CPAMD8: variants seen among roughly 807,000 people sequenced by gnomAD.
The protein encoded by CPAMD8 is C3 and PZP-like alpha-2-macroglobulin domain-containing protein 8.
A neutral mutation model predicts 224.7 loss-of-function variants in CPAMD8; 146 were observed. The ratio of observed to expected loss-of-function variants is 0.65; its 90% confidence interval spans 0.57 to 0.75. The LOEUF (loss-of-function observed/expected upper bound fraction) is 0.75. Among genes scored for constraint, CPAMD8 ranks in the 30% least tolerant of loss-of-function variants. CPAMD8 has a pLI of 0.00. For missense variants in CPAMD8, 2,301 were observed against 2,537.5 expected, an observed-to-expected ratio of 0.91 and a Z score of 2.00; for synonymous variants, 966 against 1,044.6, an observed-to-expected ratio of 0.92 and a Z score of 1.45.
rs1445408438 is a variant in CPAMD8 at position 16,893,381 on chromosome 19, T to A, written c.5427-42A>T. ...ATCTTACAACATCCTCTACAGCAAG[T>A]GGGCACGGGGCCTCGGGCTGAGGAA... is the stretch of plus-strand genomic sequence containing the variant. On this transcript the variant is annotated intron_variant, in intron 41 of 41. Transcript: ENST00000443236. 5.2e-6 allele frequency: 7 copies of A among 1,358,394 alleles called. No homozygotes were observed. In the Admixed American group the frequency reaches 1.6e-4, roughly 30 times the overall value. 84.1% of individuals were successfully genotyped at this position (1,358,394 alleles called of 1,614,324 possible).
At chr19:17,009,261 C>A in intron 6 of CPAMD8, 42 bp downstream of exon 6, 1 of 1,613,816 alleles carries the variant, frequency 6.2e-7, no homozygotes, top group Non-Finnish European at 8.5e-7. Flanking sequence ...GTGGGCTACC[C>A]GGGCCCCAAG....
intron 1 of CPAMD8, among the ~76,000 whole-genome samples, chr19:17,024,393 C>T (rs552411136): frequency 6.6e-6 from 1 of 152,206 alleles, no homozygotes; most frequent in Admixed American, 6.5e-5. Context: ...CAGCACTGAC[C>T]AGGACATGCA....
At chr19:16,980,218 C>T (rs2055459054) in intron 14 of CPAMD8, among the ~76,000 whole-genome samples, 1 of 152,164 alleles carries the variant, frequency 6.6e-6, no homozygotes, top group Non-Finnish European at 1.5e-5. Context: ...GGCAACAGCA[C>T]AATGTGGGCC....
chr19:17,011,816 T>C, intron 3 of CPAMD8, 59 bp from the exon 4 acceptor site: 3 of 1,567,250 alleles, frequency 1.9e-6, no homozygotes, highest in Non-Finnish European at 2.6e-6. Context: ...GCCAAGATAC[T>C]GGGGAAGGAG....
intron 17 of CPAMD8, among the ~76,000 whole-genome samples, chr19:16,974,122 T>C (rs8111724): frequency 0.33 from 49,793 of 151,146 alleles, 10,358 homozygotes; most frequent in African/African-American, 0.59. Context: ...GCCACCGCGC[T>C]CAGCCAGCAT....
intron 23 of CPAMD8, among the ~76,000 whole-genome samples, chr19:16,937,738 C>T (rs549116784): frequency 2.7e-4 from 41 of 151,552 alleles, no homozygotes; most frequent in East Asian, 9.7e-4. Context: ...CTGCAACCTC[C>T]GCCTCCCCGG....
chr19:16,918,747 C>CT (rs3029467), intron 27 of CPAMD8, among the ~76,000 whole-genome samples: 8,212 of 127,338 alleles, frequency 0.064, 324 homozygotes, highest in Non-Finnish European at 0.092. Flanking sequence ...CACACCCAGA[C>CT]TTTTTTTTTT....
intron 19 of CPAMD8, among the ~76,000 whole-genome samples, chr19:16,954,827 C>T (rs986523108): frequency 7.3e-5 from 11 of 150,824 alleles, no homozygotes; most frequent in African/African-American, 2.7e-4. Context: ...TACTAAAATA[C>T]AAAAAATTAG....
intron 15 of CPAMD8, 86 bp downstream of exon 15, chr19:16,977,282 A>C (rs1369729659): frequency 6.3e-6 from 5 of 790,046 alleles, no homozygotes; most frequent in Non-Finnish European, 1.1e-5. Context: ...CATGAGTCTC[A>C]GGTGTGCACA....
intron 13 of CPAMD8, among the ~76,000 whole-genome samples, chr19:16,983,503 T>A (rs1320098954): frequency 6.6e-6 from 1 of 152,032 alleles, no homozygotes; most frequent in Non-Finnish European, 1.5e-5. Context: ...AACGGACTAA[T>A]ATACTGAGTG....
chr19:17,001,627 CAA>C (rs969717079), intron 9 of CPAMD8, among the ~76,000 whole-genome samples: 2 of 152,032 alleles, frequency 1.3e-5, no homozygotes, highest in Non-Finnish European at 2.9e-5. Context: ...AGCATGGAAA[CAA>C]AGACAGGCAG....
At chr19:16,951,480 A>G (rs1349852982) in intron 20 of CPAMD8, among the ~76,000 whole-genome samples, 2 of 152,188 alleles carry the variant, frequency 1.3e-5, no homozygotes, top group Non-Finnish European at 2.9e-5. Context: ...TTCAGGTAAG[A>G]GATCATCTAG....
intron 3 of CPAMD8, among the ~76,000 whole-genome samples, chr19:17,015,078 C>A (rs1467821851): frequency 4.6e-5 from 7 of 152,118 alleles, no homozygotes; most frequent in Admixed American, 4.6e-4. Context: ...CCCGTCTCTA[C>A]TGAAAATACA....
chr19:16,973,418 G>A (rs1404902425), intron 17 of CPAMD8, among the ~76,000 whole-genome samples: 4 of 152,034 alleles, frequency 2.6e-5, no homozygotes, highest in South Asian at 2.1e-4. Context: ...GTGCAGTGGC[G>A]TGATCACTGT....
rs1178695539 is a variant in CPAMD8 at position 16,914,759 on chromosome 19, C to A, written c.3684G>T (p.Val1228=). ...TGGCGGCAGCCAGCTCCCGGGGGTCCACGAAGATAAAGCTGCGAGCCTGTG... is the reference window on the plus strand; with the variant it reads ...TGGCGGCAGCCAGCTCCCGGGGGTCAACGAAGATAAAGCTGCGAGCCTGTG... The part of the protein sequence containing the change: ...SFAQARSFIF[V]DPRELAAAKS... The change falls in exon 28 of 42, where the codon GTG becomes GTT. Residue 1228 remains valine (V), a synonymous_variant. Coordinates refer to ENST00000443236, the MANE Select transcript of CPAMD8 (RefSeq NM_015692.5). 4 of 1,614,062 alleles carry A rather than the reference C, an allele frequency of 2.5e-6. No homozygotes were observed. The highest frequency in any genetic ancestry group is 3.4e-6 in the Non-Finnish European group (4 of 1,179,988).
chr19:17,026,119 GC>G (rs2057074528), intron 1 of CPAMD8, among the ~76,000 whole-genome samples: 1 of 152,158 alleles, frequency 6.6e-6, no homozygotes, highest in South Asian at 2.1e-4. Flanking sequence ...CCAGAAGCCT[GC>G]AAGCAAACCT....
intron 13 of CPAMD8, among the ~76,000 whole-genome samples, chr19:16,987,290 T>C (rs2055779609): frequency 6.8e-6 from 1 of 147,348 alleles, no homozygotes; most frequent in South Asian, 2.2e-4. Flanking sequence ...CAGTTGACCC[T>C]TGAGAAATAC....
At chr19:17,008,651 G>A in intron 6 of CPAMD8, 92 bp from the exon 7 acceptor site, 1 of 1,385,132 alleles carries the variant, frequency 7.2e-7, no homozygotes. Flanking sequence ...CCTCTCTCTT[G>A]GGCATGTCAA....
chr19:17,008,266 C>T (rs4808552), intron 7 of CPAMD8, among the ~76,000 whole-genome samples: 47,647 of 152,104 alleles, frequency 0.31, 8,455 homozygotes, highest in Admixed American at 0.41. Context: ...CATAGAGAAA[C>T]GTGGGCAGAG....
Sources: gnomAD v4.1 joint callset for allele counts (sites outside exome capture counted in the v4.1 genomes callset) on GRCh38, gnomAD v4.1.1 for gene constraint, MANE v1.5 for transcripts, NCBI Gene and HGNC (gene_info 2026-07-23, HGNC 2026-07-21) for gene names.